The following SUFU variants were observed in gnomAD, a reference collection of about 807,000 sequenced individuals.
SUFU encodes the protein SUFU negative regulator of hedgehog signaling.
Under a neutral mutation model 58.9 loss-of-function variants are expected in SUFU, and 7 were observed. The observed-to-expected ratio is 0.12, with a 90% CI of 0.07 to 0.22. The LOEUF (loss-of-function observed/expected upper bound fraction) is 0.22, where lower values mean the gene tolerates loss of function less well. SUFU is among the 10% of genes least tolerant of loss of function. The pLI is 1.00. For missense variants in SUFU, 451 were observed against 641.3 expected, an observed-to-expected ratio of 0.70 and a Z score of 3.20; for synonymous variants, 232 against 254.8, an observed-to-expected ratio of 0.91 and a Z score of 0.85.
chr10:102,551,277 C>A (rs1280441975), intron 3 of SUFU, among the ~76,000 whole-genome samples: 1 of 152,182 alleles, frequency 6.6e-6, no homozygotes, highest in Non-Finnish European at 1.5e-5. Context: ...TCAACCTCTT[C>A]GAGGAGCTTG....
intron 3 of SUFU, among the ~76,000 whole-genome samples, chr10:102,552,705 A>G (rs2062932003): frequency 6.6e-6 from 1 of 152,246 alleles, no homozygotes; most frequent in South Asian, 2.1e-4. Context: ...CCCTGTTGCT[A>G]GAGATAAAGG....
intron 2 of SUFU, among the ~76,000 whole-genome samples, chr10:102,532,029 C>G (rs967848197): frequency 1.3e-5 from 2 of 151,744 alleles, no homozygotes; most frequent in Admixed American, 1.3e-4. Flanking sequence ...GTGGCATGAT[C>G]TTGGCTCACT....
At chr10:102,504,651 A>C in intron 1 of SUFU, among the ~76,000 whole-genome samples, 1 of 97,014 alleles carries the variant, frequency 1.0e-5, no homozygotes, top group Non-Finnish European at 2.1e-5. Flanking sequence ...GGGCGCCTGT[A>C]GGGGGTCATT....
intron 3 of SUFU, among the ~76,000 whole-genome samples, chr10:102,585,075 G>A (rs1208987894): frequency 6.6e-6 from 1 of 152,212 alleles, no homozygotes; most frequent in Non-Finnish European, 1.5e-5. Context: ...GCTTGGCCTT[G>A]CTTCCCCTAC....
chr10:102,599,040 A>G (rs928865773), intron 7 of SUFU, among the ~76,000 whole-genome samples: 15 of 152,106 alleles, frequency 9.9e-5, no homozygotes, highest in African/African-American at 1.4e-4. Flanking sequence ...GCACCTGCCC[A>G]TTCATGGCAG....
In SUFU at chr10:102,577,084, TC is replaced by T. The variant is rs202096972; in HGVS notation, c.455-15497del. 6.5e-4 allele frequency among the ~76,000 whole-genome samples: 77 copies of T among 117,788 alleles called. 13 individuals carry two copies. The highest frequency in any genetic ancestry group is 8.4e-4 in the Admixed American group (9 of 10,770). 77.3% of individuals were successfully genotyped at this position (117,788 alleles called of 152,430 possible). On this transcript the variant is annotated intron_variant, in intron 3 of 11. Coordinates refer to ENST00000369902, the MANE Select transcript of SUFU (RefSeq NM_016169.4). ...GAAGCATGTCCTGGATTTTTTCTTT[TC>T]TTTTTTTTTTTTTTTTGAGATGGAG...
intron 7 of SUFU, among the ~76,000 whole-genome samples, chr10:102,598,486 A>G (rs977812410): frequency 3.3e-5 from 5 of 152,262 alleles, no homozygotes; most frequent in South Asian, 4.1e-4. Flanking sequence ...GTTTGTTCTA[A>G]TGGCATGCCA....
At chr10:102,622,366 T>G (rs1327364501) in intron 10 of SUFU, among the ~76,000 whole-genome samples, 1 of 151,692 alleles carries the variant, frequency 6.6e-6, no homozygotes, top group Non-Finnish European at 1.5e-5. Flanking sequence ...TCCCAGCACT[T>G]TGGGAGGCTG....
intron 3 of SUFU, among the ~76,000 whole-genome samples, chr10:102,569,511 C>CTA (rs1322340819): frequency 6.6e-6 from 1 of 152,172 alleles, no homozygotes; most frequent in Non-Finnish European, 1.5e-5. Flanking sequence ...AGTCCCTTCT[C>CTA]TATCTCTCCA....
At chr10:102,546,595 CAT>C (rs1483653075) in intron 2 of SUFU, among the ~76,000 whole-genome samples, 2 of 152,222 alleles carry the variant, frequency 1.3e-5, no homozygotes, top group African/African-American at 2.4e-5. Flanking sequence ...GAGAAGCCCT[CAT>C]GTGAGGAAGT....
At chr10:102,536,050 CCT>C (rs1251711367) in intron 2 of SUFU, among the ~76,000 whole-genome samples, 1 of 152,092 alleles carries the variant, frequency 6.6e-6, no homozygotes, top group Non-Finnish European at 1.5e-5. Flanking sequence ...CTCACTAGAG[CCT>C]CTGTTTCCTG....
chr10:102,544,693 T>C (rs1362390995), intron 2 of SUFU, among the ~76,000 whole-genome samples: 1 of 152,168 alleles, frequency 6.6e-6, no homozygotes. Context: ...AGTGAGACTC[T>C]GTTTCAAAAA....
At chr10:102,622,167 C>T (rs946509401) in intron 10 of SUFU, among the ~76,000 whole-genome samples, 2 of 152,200 alleles carry the variant, frequency 1.3e-5, no homozygotes, top group Admixed American at 6.5e-5. Context: ...TTGCCCCCCT[C>T]GCAGCTCAGC....
chr10:102,523,655 C>G (rs2062575596), intron 2 of SUFU, among the ~76,000 whole-genome samples: 1 of 152,220 alleles, frequency 6.6e-6, no homozygotes, highest in African/African-American at 2.4e-5. Context: ...AATTCCCACC[C>G]TCCTGGAGCC....
intron 2 of SUFU, among the ~76,000 whole-genome samples, chr10:102,518,734 A>T (rs2062506773): frequency 6.6e-6 from 1 of 151,820 alleles, no homozygotes; most frequent in Non-Finnish European, 1.5e-5. Flanking sequence ...TTTTGTAGAG[A>T]TTGGGTTTTG....
chr10:102,579,651 T>C (rs1344820035), intron 3 of SUFU, among the ~76,000 whole-genome samples: 1 of 152,210 alleles, frequency 6.6e-6, no homozygotes, highest in Non-Finnish European at 1.5e-5. Context: ...AGCCTTTACA[T>C]TTCCTTTCAG....
intron 3 of SUFU, 90 bp downstream of exon 3, chr10:102,550,196 G>A (rs1590019205): frequency 1.3e-6 from 2 of 1,576,696 alleles, no homozygotes; most frequent in African/African-American, 2.7e-5. Context: ...GATGTTTGTG[G>A]AGTGGCCTTT....
chr10:102,601,387 A>C (rs2063513943), intron 8 of SUFU, among the ~76,000 whole-genome samples: 1 of 152,190 alleles, frequency 6.6e-6, no homozygotes, highest in African/African-American at 2.4e-5. Context: ...CTCTGTAAAC[A>C]TAAGGCAGAG....
At chr10:102,542,201 C>T (rs1255878344) in intron 2 of SUFU, among the ~76,000 whole-genome samples, 2 of 146,246 alleles carry the variant, frequency 1.4e-5, no homozygotes, top group South Asian at 2.3e-4. Flanking sequence ...GGCGTGATCT[C>T]GGCTCACTGC....
Sources: gnomAD v4.1 joint callset for allele counts (sites outside exome capture counted in the v4.1 genomes callset) on GRCh38, gnomAD v4.1.1 for gene constraint, MANE v1.5 for transcripts, NCBI Gene and HGNC (gene_info 2026-07-23, HGNC 2026-07-21) for gene names.